The following IQGAP2 variants were observed in gnomAD, a reference collection of about 807,000 sequenced individuals.
IQGAP2 encodes the protein IQ motif containing GTPase activating protein 2.
A neutral mutation model predicts 201.3 loss-of-function variants in IQGAP2; 173 were observed. The observed-to-expected ratio is 0.86, with a 90% CI of 0.76 to 0.98. The LOEUF is 0.98. IQGAP2 is among the 50% of genes least tolerant of loss of function. The probability of loss-of-function intolerance (pLI) is 0.00; values close to 1 mark genes in which losing one functional copy is unlikely to be tolerated. For missense variants in IQGAP2, 1,687 were observed against 1,864.8 expected (o/e 0.90, Z 1.76); for synonymous variants, 675 against 673.9 (o/e 1.00, Z -0.03).
chr5:76,591,451 C>T (rs550762645), intron 8 of IQGAP2, among the ~76,000 whole-genome samples: 7 of 152,300 alleles, frequency 4.6e-5, no homozygotes, highest in East Asian at 3.9e-4. Flanking sequence ...AATTTGTCTA[C>T]GCTGAGAGCT....
intron 2 of IQGAP2, among the ~76,000 whole-genome samples, chr5:76,555,371 T>C (rs563877922): frequency 3.9e-5 from 6 of 152,364 alleles, no homozygotes; most frequent in Admixed American, 1.3e-4. Context: ...AATTCCGTTA[T>C]AATTTCAGAT....
intron 2 of IQGAP2, among the ~76,000 whole-genome samples, chr5:76,532,756 T>C (rs1017247089): frequency 1.3e-5 from 2 of 152,142 alleles, no homozygotes; most frequent in African/African-American, 4.8e-5. Context: ...GGAGGACCAC[T>C]CCGTGCCCTT....
intron 13 of IQGAP2, among the ~76,000 whole-genome samples, chr5:76,613,610 A>T (rs879197306): frequency 6.6e-5 from 10 of 152,276 alleles, no homozygotes; most frequent in Admixed American, 3.3e-4. Flanking sequence ...CCTGGCACCA[A>T]AAAAAGGGCT....
intron 18 of IQGAP2, 43 bp from the exon 19 acceptor site, chr5:76,654,157 C>G: frequency 1.5e-6 from 2 of 1,378,186 alleles, no homozygotes; most frequent in South Asian, 2.5e-5. Flanking sequence ...TGACTTTTCT[C>G]TTTATTTTTT....
At chr5:76,532,210 A>G (rs1445028392) in intron 2 of IQGAP2, among the ~76,000 whole-genome samples, 3 of 152,198 alleles carry the variant, frequency 2.0e-5, no homozygotes, top group Non-Finnish European at 2.9e-5. Context: ...ATGTTTCCTA[A>G]TAGAAACCAT....
At chr5:76,432,000 A>G (rs1370846847) in intron 1 of IQGAP2, among the ~76,000 whole-genome samples, 2 of 151,852 alleles carry the variant, frequency 1.3e-5, no homozygotes, top group East Asian at 1.9e-4. Flanking sequence ...TTATGCTTGT[A>G]TTATCTCCCA....
chr5:76,480,197 C>T (rs1331841877), intron 2 of IQGAP2, among the ~76,000 whole-genome samples: 1 of 152,064 alleles, frequency 6.6e-6, no homozygotes, highest in Non-Finnish European at 1.5e-5. Context: ...AGATTAATGT[C>T]AGCCTGCTCA....
chr5:76,690,533 G>A (rs1340576730), intron 30 of IQGAP2, among the ~76,000 whole-genome samples: 6 of 152,130 alleles, frequency 3.9e-5, no homozygotes, highest in Non-Finnish European at 8.8e-5. Flanking sequence ...GGGTGGCCCT[G>A]GAAGGCAGGC....
At chr5:76,487,627 C>G (rs1756246201) in intron 2 of IQGAP2, among the ~76,000 whole-genome samples, 1 of 152,212 alleles carries the variant, frequency 6.6e-6, no homozygotes, top group African/African-American at 2.4e-5. Context: ...CACCACCCCT[C>G]CAGGCAGATC....
intron 4 of IQGAP2, among the ~76,000 whole-genome samples, chr5:76,571,647 G>A (rs1221336805): frequency 6.6e-6 from 1 of 152,204 alleles, no homozygotes; most frequent in African/African-American, 2.4e-5. Context: ...AATTAGGCAA[G>A]TGGAGGAAAT....
chr5:76,514,689 T>C (rs374933309), intron 2 of IQGAP2, among the ~76,000 whole-genome samples: 3 of 152,216 alleles, frequency 2.0e-5, no homozygotes, highest in Admixed American at 1.3e-4. Context: ...TCATAGTATG[T>C]TGTTTGTAGC....
At chr5:76,610,979 G>A in intron 12 of IQGAP2, 41 bp from the exon 13 acceptor site, 3 of 1,543,862 alleles carry the variant, frequency 1.9e-6, no homozygotes, top group Non-Finnish European at 2.7e-6. Flanking sequence ...AAGTTATAAT[G>A]TACTGTGACT....
chr5:76,698,211 G>A, intron 33 of IQGAP2, 64 bp downstream of exon 33: 2 of 1,301,760 alleles, frequency 1.5e-6, no homozygotes, highest in Non-Finnish European at 2.1e-6. Context: ...TCAATTCTGT[G>A]TTTCTAGGCA....
At chr5:76,515,263 T>A (rs1243956818) in intron 2 of IQGAP2, among the ~76,000 whole-genome samples, 1 of 152,208 alleles carries the variant, frequency 6.6e-6, no homozygotes, top group Non-Finnish European at 1.5e-5. Flanking sequence ...TTTTAGAAGA[T>A]TGAAAATATT....
chr5:76,569,549 G>C (rs1459914311), intron 3 of IQGAP2, among the ~76,000 whole-genome samples: 1 of 152,118 alleles, frequency 6.6e-6, no homozygotes, highest in Non-Finnish European at 1.5e-5. Context: ...CATTGAGAAG[G>C]CATAAACATT....
At chr5:76,538,426 G>A (rs1327385018) in intron 2 of IQGAP2, among the ~76,000 whole-genome samples, 1 of 152,218 alleles carries the variant, frequency 6.6e-6, no homozygotes, top group African/African-American at 2.4e-5. Context: ...CCAGGGCAAT[G>A]GAGGTAGTCT....
Position 76,695,540 on chromosome 5 carries a change from T to C in IQGAP2, c.4080T>C (p.Ile1360=). 1 of 1,614,162 alleles carries C rather than the reference T, an allele frequency of 6.2e-7. No homozygotes were observed. Among genetic ancestry groups the C allele is most frequent in the Non-Finnish European group, 8.5e-7 (1 of 1,180,004 alleles). Residue 1360 remains isoleucine (I), a synonymous_variant, in exon 32 of 36, where the codon ATT becomes ATC. Coordinates refer to ENST00000274364, the MANE Select transcript of IQGAP2 (RefSeq NM_006633.5). ...PEEMKHSQSM[I]EDAQLPLEQK... ...AAATGAAGCATAGCCAATCTATGAT[T>C]GAAGATGCACAGCTGCCTCTTGAGC...
chr5:76,583,146 T>A (rs1745992028), intron 5 of IQGAP2, among the ~76,000 whole-genome samples: 1 of 152,242 alleles, frequency 6.6e-6, no homozygotes, highest in East Asian at 1.9e-4. Context: ...AAGAGCTACA[T>A]GAGATTGGCA....
At chr5:76,497,022 G>T (rs1264292662) in intron 2 of IQGAP2, among the ~76,000 whole-genome samples, 3 of 151,900 alleles carry the variant, frequency 2.0e-5, no homozygotes, top group South Asian at 4.2e-4. Context: ...TAGAGACAGG[G>T]TTTTACCGTG....
Sources: gnomAD v4.1 joint callset for allele counts (sites outside exome capture counted in the v4.1 genomes callset) on GRCh38, gnomAD v4.1.1 for gene constraint, MANE v1.5 for transcripts, NCBI Gene and HGNC (gene_info 2026-07-23, HGNC 2026-07-21) for gene names.